Variants in WDR83 observed in about 807,000 individuals in gnomAD.
WDR83 encodes WD repeat domain-containing protein 83.
WDR83 carries 37 observed loss-of-function variants against 37.7 expected under a neutral mutation model. The observed-to-expected ratio is 0.98, with a 90% CI of 0.76 to 1.29. The LOEUF is 1.29. Among genes scored for constraint, WDR83 ranks in the 50% most tolerant of loss-of-function variants. WDR83 has a pLI of 0.00. For missense variants in WDR83, 445 were observed against 414.4 expected, an observed-to-expected ratio of 1.07 and a Z score of -0.64; for synonymous variants, 174 against 181.1, an observed-to-expected ratio of 0.96 and a Z score of 0.31.
At chr19:12,669,311 C>T (rs2024340940) in intron 2 of WDR83, 2 of 1,606,130 alleles carry the variant, frequency 1.2e-6, no homozygotes, top group East Asian at 2.3e-5. Flanking sequence ...CCCCGATCCA[C>T]ACCCACAACC....
At position 12,670,623 on chromosome 19, in the gene WDR83, G is replaced by T; in HGVS notation, c.379+12G>T. ...AGTTATCCTGTCCGGTGAGTCTGGG[G>T]CCTAAGCACGGGGGCCCAGGGTGCT... On this transcript the variant is annotated intron_variant, in intron 6 of 10. Transcript: ENST00000418543. 1 of 1,614,216 alleles carries T rather than the reference G, an allele frequency of 6.2e-7. No homozygotes were observed.
At chr19:12,670,651 C>T (rs2024386499) in intron 6 of WDR83, 40 bp downstream of exon 6, 15 of 1,614,184 alleles carry the variant, frequency 9.3e-6, no homozygotes, top group Non-Finnish European at 1.3e-5. Flanking sequence ...AGGGTGCTGC[C>T]CTCCCCCTCC....
chr19:12,668,737 C>G, intron 2 of WDR83, 110 bp downstream of exon 2: 1 of 845,974 alleles, frequency 1.2e-6, no homozygotes, highest in Non-Finnish European at 1.9e-6. Flanking sequence ...GGGACCTTGC[C>G]CCACCCGGAA....
rs1212670462 is a variant in WDR83, at chr19:12,668,595, G to A, written c.-69G>A. On this transcript the variant is annotated 5_prime_UTR_variant, in exon 2 of 11. Coordinates refer to ENST00000418543, the MANE Select transcript of WDR83 (RefSeq NM_001099737.3). ...AAAGCTGATGAAGGAGCAGTAGACAGCGACCCAAGCACACCACTTCAGCTA... is the reference window on the plus strand; with the variant it reads ...AAAGCTGATGAAGGAGCAGTAGACAACGACCCAAGCACACCACTTCAGCTA... 6.2e-7 allele frequency: 1 copy of A among 1,614,106 alleles called. No individual in the cohort carries two copies. The highest frequency in any genetic ancestry group is 1.1e-5 in the South Asian group (1 of 91,072).
In WDR83 at chr19:12,673,133, G is replaced by T. The variant is rs186525351; in HGVS notation, c.683+17G>T. ...GCTGGGCGAGTGAGTCCTTGTGGTC[G>T]TGGGGATCCCCTTCCCTCCTCTCCC... On this transcript the variant is annotated intron_variant, in intron 9 of 10. Coordinates refer to ENST00000418543, the MANE Select transcript of WDR83 (RefSeq NM_001099737.3). 6.2e-7 allele frequency: 1 copy of T among 1,611,930 alleles called. No homozygotes were observed. Among genetic ancestry groups the T allele is most frequent in the African/African-American group, 1.3e-5 (1 of 74,948 alleles).
At chr19:12,669,707 A>C (rs1343496606) in intron 2 of WDR83, 48 bp from the exon 3 acceptor site, 7 of 1,364,832 alleles carry the variant, frequency 5.1e-6, no homozygotes, top group Non-Finnish European at 7.0e-6. Context: ...AACAATAATA[A>C]GGTTACACCC....
Position 12,673,039 on chromosome 19 carries a change from T to A in WDR83, c.606T>A (p.Asp202Glu). Residue 202 changes from aspartate to glutamate, a missense_variant, in exon 9 of 11, where the codon GAT becomes GAA. Transcript: ENST00000418543. ...TCACCTGCACCTGCTTCAGCCGGGA[T>A]GGGCAGTGCACCCTGGTGTCCAGCC... ...SPITCTCFSR[D>E]GQCTLVSSLD... 1 of 1,613,748 alleles carries A rather than the reference T, an allele frequency of 6.2e-7. No homozygotes were observed. Among genetic ancestry groups the A allele is most frequent in the Non-Finnish European group, 8.5e-7 (1 of 1,179,742 alleles).
intron 5 of WDR83, 85 bp from the exon 6 acceptor site, chr19:12,670,478 C>A: frequency 6.2e-7 from 1 of 1,603,606 alleles, no homozygotes; most frequent in South Asian, 1.1e-5. Flanking sequence ...TCCCCTTCGC[C>A]CTTGCTTTAA....
intron 2 of WDR83, chr19:12,669,186 G>A: frequency 6.2e-7 from 1 of 1,614,148 alleles, no homozygotes. Flanking sequence ...GTAGTCCGGC[G>A]TCGGGTCGTC....
intron 7 of WDR83, chr19:12,672,325 TG>T (rs974489518): frequency 2.2e-4 from 39 of 175,456 alleles, no homozygotes; most frequent in African/African-American, 9.1e-4. Flanking sequence ...AAGGGGGAAT[TG>T]GGCCAGGTGG....
At chr19:12,673,469 G>C (rs1166490718) in intron 10 of WDR83, among the ~76,000 whole-genome samples, 153 bp downstream of exon 10, 1 of 144,494 alleles carries the variant, frequency 6.9e-6, no homozygotes, top group Non-Finnish European at 1.5e-5. Flanking sequence ...CCAGGCTAGA[G>C]TGCAGTGGCG....
chr19:12,670,087 G>T lies in WDR83; in HGVS notation c.214G>T (p.Asp72Tyr). 6.2e-7 allele frequency: 1 copy of T among 1,610,848 alleles called. No individual in the cohort carries two copies. The highest frequency in any genetic ancestry group is 8.5e-7 in the Non-Finnish European group (1 of 1,177,796). Residue 72 changes from aspartate (D) to tyrosine (Y), a missense_variant, in exon 4 of 11, where the codon GAT becomes TAT. By Grantham distance (160) the Asp-to-Tyr change is radical. Transcript: ENST00000418543. The stretch of plus-strand genomic sequence containing the variant: ...CAGCGGCCACGGCTACGAGGTGCTG[G>T]ATGCGGCCGGGTGAGCCGGGGACCA... ...TYSGHGYEVL[D>Y]AAGSFDNSSL... is the part of the protein sequence containing the mutation.
intron 1 of WDR83, among the ~76,000 whole-genome samples, chr19:12,667,268 C>T (rs532804008): frequency 2.9e-4 from 44 of 152,188 alleles, no homozygotes; most frequent in Non-Finnish European, 5.6e-4. Context: ...TGGGGAAGGA[C>T]CCCGAGTCTT....
Position 12,673,233 on chromosome 19 carries a change from C to G in WDR83, c.715C>G (p.Leu239Val). 6.2e-7 allele frequency: 1 copy of G among 1,614,024 alleles called. No individual in the cohort carries two copies. Among genetic ancestry groups the G allele is most frequent in the Non-Finnish European group, 8.5e-7 (1 of 1,180,004 alleles). ...GGGCCATAAGAACCAGGAATACAAG[C>G]TGGACTGCTGCCTGAGCGAGCGTGA... Reference protein sequence around the residue: ...YKGHKNQEYKLDCCLSERDTH... With the variant: ...YKGHKNQEYKVDCCLSERDTH... The change falls in exon 10 of 11, where the codon CTG becomes GTG. Residue 239 changes from leucine (L) to valine (V), a missense_variant. Coordinates refer to ENST00000418543, the MANE Select transcript of WDR83 (RefSeq NM_001099737.3).
chr19:12,673,298 C>A lies in WDR83; in HGVS notation c.780C>A (p.Phe260Leu). ...GCTGTTCTGAGGACGGGAAGGTGTT[C>A]TTCTGGGACCTGGTGGAGGTGAGGT... ...VVSCSEDGKV[F>L]FWDLVEGALA... The change falls in exon 10 of 11, where the codon TTC becomes TTA. Residue 260 changes from phenylalanine (F) to leucine (L), a missense_variant. By Grantham distance (22) the Phe-to-Leu change is conservative (BLOSUM62 0). Coordinates refer to ENST00000418543, the MANE Select transcript of WDR83 (RefSeq NM_001099737.3). 1 of 1,609,596 alleles carries A rather than the reference C, an allele frequency of 6.2e-7. No individual in the cohort carries two copies. Among genetic ancestry groups the A allele is most frequent in the Non-Finnish European group, 8.5e-7 (1 of 1,177,456 alleles).
At chr19:12,674,395 C>G (rs1266309746) in intron 10 of WDR83, among the ~76,000 whole-genome samples, 2 of 152,180 alleles carry the variant, frequency 1.3e-5, no homozygotes, top group African/African-American at 4.8e-5. Context: ...AAGGAGACAT[C>G]AGCGCTGGGC....
chr19:12,673,732 A>G (rs539332378), intron 10 of WDR83, among the ~76,000 whole-genome samples: 33 of 148,940 alleles, frequency 2.2e-4, no homozygotes, highest in Non-Finnish European at 4.2e-4. Context: ...TCTTTTTTTG[A>G]GACTATTGCC....
At chr19:12,670,507 C>T (rs2024380666) in intron 5 of WDR83, 56 bp from the exon 6 acceptor site, 2 of 1,613,332 alleles carry the variant, frequency 1.2e-6, no homozygotes, top group African/African-American at 1.3e-5. Context: ...GGGAACCCTG[C>T]CTTTATCCCA....
intron 1 of WDR83, among the ~76,000 whole-genome samples, chr19:12,667,347 G>A (rs142531396): frequency 6.6e-6 from 1 of 152,350 alleles, no homozygotes; most frequent in African/African-American, 2.4e-5. Context: ...AGGCGCAGTG[G>A]CTCAAGCCTG....
Sources: gnomAD v4.1 joint callset for allele counts (sites outside exome capture counted in the v4.1 genomes callset) on GRCh38, gnomAD v4.1.1 for gene constraint, MANE v1.5 for transcripts, NCBI Gene and HGNC (gene_info 2026-07-23, HGNC 2026-07-21) for gene names.